The following SIPA1L1 variants were observed in gnomAD, a reference collection of about 807,000 sequenced individuals.
SIPA1L1 encodes the protein signal-induced proliferation-associated 1-like protein 1.
A neutral mutation model predicts 162.7 loss-of-function variants in SIPA1L1; 26 were observed. That is an observed-to-expected ratio of 0.16 (90% CI 0.12 to 0.22). The LOEUF (loss-of-function observed/expected upper bound fraction) is 0.22. Ranked by LOEUF, SIPA1L1 falls within the 10% of genes least tolerant of loss-of-function variation. The pLI is 1.00. For missense variants in SIPA1L1, 1,874 were observed against 2,241.0 expected, an observed-to-expected ratio of 0.84 and a Z score of 3.31; for synonymous variants, 829 against 837.4, an observed-to-expected ratio of 0.99 and a Z score of 0.17.
intron 4 of SIPA1L1, among the ~76,000 whole-genome samples, chr14:71,569,150 T>C (rs992539756): frequency 2.0e-5 from 3 of 150,694 alleles, no homozygotes; most frequent in African/African-American, 7.3e-5. Context: ...ATAAAAAAAA[T>C]GTATGAAGAC....
intron 2 of SIPA1L1, among the ~76,000 whole-genome samples, chr14:71,402,223 A>G (rs1295883696): frequency 6.6e-6 from 1 of 152,200 alleles, no homozygotes; most frequent in African/African-American, 2.4e-5. Context: ...CTGGGAACAC[A>G]CTGAAAATTA....
chr14:71,430,978 T>TATAC (rs2043943585), intron 2 of SIPA1L1, among the ~76,000 whole-genome samples: 1 of 152,124 alleles, frequency 6.6e-6, no homozygotes, highest in South Asian at 2.1e-4. Context: ...CCTATATAGA[T>TATAC]ATACATATAC....
chr14:71,363,511 A>C (rs2037999400), intron 2 of SIPA1L1, among the ~76,000 whole-genome samples: 1 of 152,180 alleles, frequency 6.6e-6, no homozygotes, highest in African/African-American at 2.4e-5. Context: ...TGGCTTTTTA[A>C]ACAACTACCT....
At chr14:71,356,086 A>G (rs1231923031) in intron 2 of SIPA1L1, among the ~76,000 whole-genome samples, 1 of 152,144 alleles carries the variant, frequency 6.6e-6, no homozygotes, top group African/African-American at 2.4e-5. Flanking sequence ...GCTGCAAACC[A>G]GGAACCCAAG....
intron 2 of SIPA1L1, among the ~76,000 whole-genome samples, chr14:71,354,424 C>T (rs753972511): frequency 2.6e-5 from 4 of 151,822 alleles, no homozygotes; most frequent in Non-Finnish European, 5.9e-5. Flanking sequence ...ATTACAGGCG[C>T]CCGTCACCAC....
chr14:71,330,969 G>C (rs975262924), intron 2 of SIPA1L1, among the ~76,000 whole-genome samples: 5 of 152,216 alleles, frequency 3.3e-5, no homozygotes, highest in Admixed American at 3.3e-4. Flanking sequence ...TATCTAAGAA[G>C]TAACTGCCAA....
chr14:71,517,863 A>G (rs1005974814), intron 3 of SIPA1L1, among the ~76,000 whole-genome samples: 1 of 152,180 alleles, frequency 6.6e-6, no homozygotes, highest in Non-Finnish European at 1.5e-5. Flanking sequence ...ATACATTTAT[A>G]AGAGTTATAT....
intron 6 of SIPA1L1, among the ~76,000 whole-genome samples, chr14:71,621,468 G>A (rs564720482): frequency 3.9e-5 from 6 of 152,168 alleles, no homozygotes; most frequent in East Asian, 1.9e-4. Flanking sequence ...TCAGATGCCC[G>A]TCATTCCTCC....
intron 4 of SIPA1L1, among the ~76,000 whole-genome samples, chr14:71,543,652 G>A (rs1055601895): frequency 1.3e-5 from 2 of 149,002 alleles, no homozygotes; most frequent in Non-Finnish European, 3.0e-5. Context: ...CTGATTTTGA[G>A]CATCTTTTTA....
At chr14:71,665,700 T>C (rs1270617719) in intron 10 of SIPA1L1, among the ~76,000 whole-genome samples, 6 of 152,148 alleles carry the variant, frequency 3.9e-5, no homozygotes, top group African/African-American at 1.2e-4. Flanking sequence ...CAGCCAAATA[T>C]AGTAGTTCCT....
intron 2 of SIPA1L1, among the ~76,000 whole-genome samples, chr14:71,364,089 T>G (rs2038057274): frequency 6.6e-6 from 1 of 152,202 alleles, no homozygotes; most frequent in African/African-American, 2.4e-5. Flanking sequence ...ATTTACTGTA[T>G]TAGAAGTATT....
At chr14:71,634,438 C>A (rs1596537620) in intron 7 of SIPA1L1, among the ~76,000 whole-genome samples, 3 of 145,264 alleles carry the variant, frequency 2.1e-5, no homozygotes, top group Non-Finnish European at 1.5e-5. Context: ...AAGGGAAGAA[C>A]AATTTGAATC....
In SIPA1L1 at chr14:71,709,302, G is replaced by T; in HGVS notation, c.3846G>T (p.Trp1282Cys). 2 of 1,614,182 alleles carry T rather than the reference G, an allele frequency of 1.2e-6. No individual in the cohort carries two copies. The highest frequency in any genetic ancestry group is 1.7e-6 in the Non-Finnish European group (2 of 1,180,024). ...CAAGTGCCCATAGTGATGAGAAGTG[G>T]TACGATGGGGACCGCACAGAATCCG... Reference protein sequence around the residue: ...NASSAHSDEKWYDGDRTESEL... With the variant: ...NASSAHSDEKCYDGDRTESEL... Residue 1282 changes from tryptophan (W) to cysteine (C), a missense_variant, in exon 17 of 24, where the codon TGG (tryptophan) becomes TGT (cysteine). Transcript: ENST00000381232.
chr14:71,422,203 C>T (rs770771519), intron 2 of SIPA1L1, among the ~76,000 whole-genome samples: 3 of 152,126 alleles, frequency 2.0e-5, no homozygotes, highest in Non-Finnish European at 4.4e-5. Context: ...TAGACAGAGT[C>T]AGCTTCATTT....
At chr14:71,591,435 T>G (rs980866105) in intron 5 of SIPA1L1, among the ~76,000 whole-genome samples, 2 of 152,166 alleles carry the variant, frequency 1.3e-5, no homozygotes, top group Non-Finnish European at 2.9e-5. Flanking sequence ...CTTAAAGTAT[T>G]TTATCTTTCA....
intron 2 of SIPA1L1, among the ~76,000 whole-genome samples, chr14:71,412,814 G>A (rs1403671369): frequency 6.6e-6 from 1 of 152,154 alleles, no homozygotes; most frequent in Non-Finnish European, 1.5e-5. Flanking sequence ...TCTTATGGAC[G>A]TGTCTGACTT....
At chr14:71,407,877 GT>G (rs1294701664) in intron 2 of SIPA1L1, among the ~76,000 whole-genome samples, 1 of 152,018 alleles carries the variant, frequency 6.6e-6, no homozygotes, top group Non-Finnish European at 1.5e-5. Flanking sequence ...GTTTTGTTTT[GT>G]TTTTTTGTAG....
At chr14:71,460,033 T>C (rs1052203220) in intron 2 of SIPA1L1, among the ~76,000 whole-genome samples, 3 of 152,216 alleles carry the variant, frequency 2.0e-5, no homozygotes, top group Admixed American at 6.5e-5. Context: ...TAATAATACA[T>C]AAATGCTGAT....
chr14:71,419,070 G>T (rs1204843807), intron 2 of SIPA1L1, among the ~76,000 whole-genome samples: 2 of 152,150 alleles, frequency 1.3e-5, no homozygotes. Flanking sequence ...TCTCAGAGCA[G>T]GGGTGTTTCC....
Sources: allele counts gnomAD v4.1 joint callset (sites outside exome capture counted in the v4.1 genomes callset), GRCh38; gene constraint gnomAD v4.1.1; transcripts MANE v1.5; gene names NCBI Gene and HGNC (gene_info 2026-07-23, HGNC 2026-07-21).